The following MYO5B variants were observed in gnomAD, a reference collection of about 807,000 sequenced individuals.
MYO5B encodes the protein myosin VB.
A neutral mutation model predicts 229.3 loss-of-function variants in MYO5B; 143 were observed. The observed-to-expected ratio is 0.62, with a 90% CI of 0.54 to 0.72. The LOEUF is 0.72. Ranked by LOEUF, MYO5B falls within the 30% of genes least tolerant of loss-of-function variation. The pLI, the probability that MYO5B is intolerant of heterozygous loss-of-function variation, is 0.00. For missense variants in MYO5B, 2,321 were observed against 2,331.0 expected (o/e 1.00, Z 0.09); for synonymous variants, 918 against 885.2 (o/e 1.04, Z -0.66).
chr18:50,145,486 A>C (rs2032485548), intron 1 of MYO5B, among the ~76,000 whole-genome samples: 1 of 113,914 alleles, frequency 8.8e-6, no homozygotes, highest in Non-Finnish European at 1.7e-5. Context: ...CAACAGAGCA[A>C]GACTCCATCT....
intron 10 of MYO5B, among the ~76,000 whole-genome samples, chr18:49,965,628 C>T (rs1413006483): frequency 6.6e-6 from 1 of 152,116 alleles, no homozygotes; most frequent in Admixed American, 6.6e-5. Flanking sequence ...TTATTAATCC[C>T]ATCCTGTGGC....
intron 17 of MYO5B, among the ~76,000 whole-genome samples, chr18:49,926,064 ACT>A (rs1287947801): frequency 6.6e-6 from 1 of 152,112 alleles, no homozygotes; most frequent in Admixed American, 6.5e-5. Flanking sequence ...GGCCCAGGAC[ACT>A]CTCTGTCCTT....
chr18:49,945,337 G>C (rs552776587), intron 14 of MYO5B, among the ~76,000 whole-genome samples: 2 of 152,194 alleles, frequency 1.3e-5, no homozygotes, highest in East Asian at 3.9e-4. Flanking sequence ...ATTCAATACA[G>C]CCCAAACCAC....
At chr18:49,967,781 G>T (rs903493954) in intron 10 of MYO5B, among the ~76,000 whole-genome samples, 4 of 152,114 alleles carry the variant, frequency 2.6e-5, no homozygotes, top group Admixed American at 2.6e-4. Flanking sequence ...ACAACCTCGG[G>T]ATGCTGGCTG....
chr18:50,098,666 CAG>C (rs1478292517), intron 1 of MYO5B: 1 of 152,180 alleles, frequency 6.6e-6, no homozygotes, highest in East Asian at 1.9e-4. Context: ...GTCTTAGAAA[CAG>C]AAATGAAATA....
chr18:50,195,024 G>A lies in MYO5B; in HGVS notation c.-231C>T. 1 of 446,398 alleles carries A rather than the reference G, an allele frequency of 2.2e-6. No homozygotes were observed. The highest frequency in any genetic ancestry group is 3.5e-6 in the Non-Finnish European group (1 of 283,564). 27.7% of individuals were successfully genotyped at this position (446,398 alleles called of 1,614,324 possible). On this transcript the variant is annotated 5_prime_UTR_variant, in exon 1 of 40. Coordinates refer to ENST00000285039, the MANE Select transcript of MYO5B (RefSeq NM_001080467.3). ...GCAGCTACGGCCGGACAGGAGTTGCGAGCGCCGGGGGAGGAGGCCGCGCCG... is the reference window on the plus strand; with the variant it reads ...GCAGCTACGGCCGGACAGGAGTTGCAAGCGCCGGGGGAGGAGGCCGCGCCG...
chr18:50,101,706 C>T (rs2031658229), intron 1 of MYO5B, among the ~76,000 whole-genome samples: 1 of 152,112 alleles, frequency 6.6e-6, no homozygotes, highest in Non-Finnish European at 1.5e-5. Flanking sequence ...TCATGCAGAT[C>T]AGAATGGTGA....
chr18:50,006,800 A>T (rs2026106660), intron 4 of MYO5B, among the ~76,000 whole-genome samples: 1 of 152,102 alleles, frequency 6.6e-6, no homozygotes, highest in South Asian at 2.1e-4. Context: ...CTCAAAGGAG[A>T]GGCCTGCTGA....
intron 9 of MYO5B, among the ~76,000 whole-genome samples, chr18:49,977,511 G>T (rs1411447396): frequency 1.3e-5 from 2 of 152,094 alleles, no homozygotes; most frequent in Non-Finnish European, 2.9e-5. Flanking sequence ...AACTATTAAC[G>T]ATGCATTTCT....
chr18:50,149,209 T>A, intron 1 of MYO5B, among the ~76,000 whole-genome samples: 1 of 152,108 alleles, frequency 6.6e-6, no homozygotes, highest in Non-Finnish European at 1.5e-5. Flanking sequence ...GGAAGAACAT[T>A]CCATGCTCAT....
rs375138712 is a variant in MYO5B at position 49,980,576 on chromosome 18, T to C, written c.947-23A>G. 18 of 1,491,692 alleles carry C rather than the reference T, an allele frequency of 1.2e-5. No individual in the cohort carries two copies. In the East Asian group the frequency reaches 2.5e-4, roughly 21 times the overall value. 92.4% of individuals were successfully genotyped at this position (1,491,692 alleles called of 1,614,324 possible). A position where few individuals can be genotyped will look rare whatever the true frequency, so the allele number is the denominator to read the frequency against. On this transcript the variant is annotated intron_variant, in intron 8 of 39. Transcript: ENST00000285039. ...CTCCTGGAAAAGAAAAATGAATGGA[T>C]GACACTCAGTATCCATGGTCGGACA...
intron 10 of MYO5B, among the ~76,000 whole-genome samples, chr18:49,964,366 T>A (rs2025598183): frequency 2.4e-5 from 2 of 84,224 alleles, no homozygotes; most frequent in South Asian, 8.9e-4. Context: ...TTTCTTAAAT[T>A]TTTTTTTCTC....
At chr18:50,043,249 C>A (rs2030075709) in intron 2 of MYO5B, among the ~76,000 whole-genome samples, 1 of 121,836 alleles carries the variant, frequency 8.2e-6, no homozygotes, top group Admixed American at 1.0e-4. Context: ...TATATATATA[C>A]ATAAATATTC....
chr18:50,194,307 G>A (rs2033268876), intron 1 of MYO5B, among the ~76,000 whole-genome samples: 1 of 152,150 alleles, frequency 6.6e-6, no homozygotes, highest in East Asian at 1.9e-4. Context: ...CCTCGGAGGC[G>A]CGCCCTCGAG....
chr18:49,981,023 G>T (rs1476575273), intron 8 of MYO5B, among the ~76,000 whole-genome samples: 1 of 152,162 alleles, frequency 6.6e-6, no homozygotes, highest in African/African-American at 2.4e-5. Flanking sequence ...ACTTCTCTTG[G>T]GATTGCTGTT....
At chr18:49,996,448 G>A (rs2025988101) in intron 5 of MYO5B, among the ~76,000 whole-genome samples, 1 of 152,100 alleles carries the variant, frequency 6.6e-6, no homozygotes, top group Non-Finnish European at 1.5e-5. Flanking sequence ...ATAAAATGTG[G>A]TATATCCACA....
At chr18:50,065,444 C>T (rs531826399) in intron 1 of MYO5B, among the ~76,000 whole-genome samples, 50 of 152,202 alleles carry the variant, frequency 3.3e-4, no homozygotes, top group Admixed American at 7.2e-4. Flanking sequence ...TGGCGGAAGG[C>T]GAAGCAGCAG....
chr18:50,062,602 G>C (rs980469909), intron 1 of MYO5B, among the ~76,000 whole-genome samples: 7 of 152,164 alleles, frequency 4.6e-5, no homozygotes, highest in Non-Finnish European at 8.8e-5. Flanking sequence ...TAAGAATTTA[G>C]AAGATAAAGA....
At chr18:49,940,477 G>A (rs1300215630) in intron 14 of MYO5B, among the ~76,000 whole-genome samples, 1 of 152,088 alleles carries the variant, frequency 6.6e-6, no homozygotes, top group Non-Finnish European at 1.5e-5. Context: ...TGATATGATG[G>A]GGGTTATAAA....
Sources: gnomAD v4.1 joint callset for allele counts (sites outside exome capture counted in the v4.1 genomes callset) on GRCh38, gnomAD v4.1.1 for gene constraint, MANE v1.5 for transcripts, NCBI Gene and HGNC (gene_info 2026-07-23, HGNC 2026-07-21) for gene names.